Variants in GRM5 observed in about 807,000 individuals in gnomAD.
GRM5 encodes the protein glutamate metabotropic receptor 5, also known as metabotropic glutamate receptor 5.
Under a neutral mutation model 83.1 loss-of-function variants are expected in GRM5, and 19 were observed. The ratio of observed to expected loss-of-function variants is 0.23; its 90% confidence interval spans 0.16 to 0.34. The LOEUF (loss-of-function observed/expected upper bound fraction) is 0.34. Ranked by LOEUF, GRM5 falls within the 10% of genes least tolerant of loss-of-function variation. The pLI, the probability that GRM5 is intolerant of heterozygous loss-of-function variation, is 1.00. For missense variants in GRM5, 1,160 were observed against 1,588.3 expected (o/e 0.73, Z 4.58); for synonymous variants, 675 against 633.6 (o/e 1.07, Z -0.98).
chr11:88,821,348 AAAAAAAAAAAAAAAG>A (rs1338687485), intron 3 of GRM5, among the ~76,000 whole-genome samples: 1 of 148,458 alleles, frequency 6.7e-6, no homozygotes, highest in Non-Finnish European at 1.5e-5. Context: ...AGGGGCCAAA[AAAAAAAAAAAAAAAG>A]AAAAAAGAAA....
At chr11:89,026,730 G>C (rs1355864646) in intron 2 of GRM5, among the ~76,000 whole-genome samples, 3 of 152,150 alleles carry the variant, frequency 2.0e-5, no homozygotes, top group Non-Finnish European at 4.4e-5. Flanking sequence ...TGGAAGGAAG[G>C]AAAAGGAATA....
At chr11:88,570,571 A>ATATATATATATATATATATTTTT (rs1405339448) in intron 7 of GRM5, among the ~76,000 whole-genome samples, 2 of 46,376 alleles carry the variant, frequency 4.3e-5, no homozygotes, top group African/African-American at 1.3e-4. Context: ...ATATATATAT[A>ATATATATATATATATATATTTTT]TTTTTTTTTT....
intron 2 of GRM5, among the ~76,000 whole-genome samples, chr11:88,876,892 G>T (rs2135568028): frequency 6.6e-6 from 1 of 152,176 alleles, no homozygotes; most frequent in East Asian, 1.9e-4. Context: ...CATAAAAAAA[G>T]AATGAAATGG....
At chr11:88,996,708 GTTC>G (rs1444937680) in intron 2 of GRM5, among the ~76,000 whole-genome samples, 1 of 152,098 alleles carries the variant, frequency 6.6e-6, no homozygotes, top group Non-Finnish European at 1.5e-5. Flanking sequence ...AGAAGAATAC[GTTC>G]TTCTTTTTCA....
At chr11:88,930,115 G>A (rs1168331884) in intron 2 of GRM5, among the ~76,000 whole-genome samples, 1 of 152,068 alleles carries the variant, frequency 6.6e-6, no homozygotes, top group Non-Finnish European at 1.5e-5. Flanking sequence ...GTAAAGAAAA[G>A]TGATAAAAAA....
rs542628141 is a variant in GRM5 at position 88,610,583 on chromosome 11, T to C, written c.1148-5619A>G. ...ACATTGATTTTGTATCCTGAAACTT[T>C]ACCGAAGTTGTTTATCAGTTCTAGA... is the stretch of plus-strand genomic sequence containing the variant. On this transcript the variant is annotated intron_variant, in intron 4 of 9. Transcript: ENST00000305447. 9.9e-5 allele frequency among the ~76,000 whole-genome samples: 15 copies of C among 152,240 alleles called. 1 individual carries two copies. Among genetic ancestry groups the C allele is most frequent in the Non-Finnish European group, 2.1e-4 (14 of 68,040 alleles).
intron 2 of GRM5, among the ~76,000 whole-genome samples, chr11:88,995,401 C>T (rs1393830105): frequency 1.1e-4 from 17 of 151,562 alleles, no homozygotes; most frequent in Admixed American, 7.2e-4. Context: ...AAAAATTAGC[C>T]GGGCGTGTTT....
intron 3 of GRM5, among the ~76,000 whole-genome samples, chr11:88,695,223 C>A (rs1407633078): frequency 3.9e-5 from 6 of 152,230 alleles, no homozygotes; most frequent in South Asian, 4.1e-4. Flanking sequence ...AATTTAATAA[C>A]CTCTAGAAAT....
intron 8 of GRM5, among the ~76,000 whole-genome samples, chr11:88,542,364 AAAAC>A (rs138114385): frequency 0.39 from 58,770 of 151,556 alleles, 13,699 homozygotes; most frequent in East Asian, 0.59. Flanking sequence ...TAAAAAGGAA[AAAAC>A]AAACAAACAA....
chr11:88,866,920 A>G (rs964249161), intron 2 of GRM5, among the ~76,000 whole-genome samples: 2 of 152,172 alleles, frequency 1.3e-5, no homozygotes, highest in African/African-American at 2.4e-5. Flanking sequence ...AGTTTTCTGC[A>G]TAAGGCTAGC....
intron 2 of GRM5, among the ~76,000 whole-genome samples, chr11:88,915,357 T>A (rs1475872582): frequency 6.6e-6 from 1 of 152,118 alleles, no homozygotes; most frequent in Non-Finnish European, 1.5e-5. Flanking sequence ...AGACTTTTTT[T>A]AATGTGCGGC....
chr11:88,921,806 A>C lies in GRM5; in HGVS notation c.662-71651T>G, dbSNP rs534372492. Among the ~76,000 whole-genome samples, 126 of 152,270 alleles carry C rather than the reference A, an allele frequency of 8.3e-4. 2 individuals carry two copies. The highest frequency in any genetic ancestry group is 8.0e-3 in the Admixed American group (123 of 15,286). On this transcript the variant is annotated intron_variant, in intron 2 of 9. Transcript: ENST00000305447. Reference sequence around the variant, plus strand: ...TGGCTTCTAAATTGTAAAAGAAAAAATCAAATTATCTGCATTTGTAGATGA... The same window carrying C: ...TGGCTTCTAAATTGTAAAAGAAAAACTCAAATTATCTGCATTTGTAGATGA...
intron 3 of GRM5, among the ~76,000 whole-genome samples, chr11:88,727,913 A>C (rs1755093084): frequency 6.6e-6 from 1 of 152,178 alleles, no homozygotes; most frequent in Non-Finnish European, 1.5e-5. Flanking sequence ...AAATGCCCAC[A>C]GGGGAAAGCA....
intron 2 of GRM5, among the ~76,000 whole-genome samples, chr11:88,942,404 CAAAT>C (rs571615613): frequency 3.0e-4 from 45 of 151,890 alleles, no homozygotes; most frequent in Non-Finnish European, 7.4e-5. Flanking sequence ...AAACTAAAAA[CAAAT>C]AGAACAGCAG....
In GRM5 at chr11:88,836,449, G is replaced by A. The variant is rs373321586; in HGVS notation, c.911+13457C>T. Among the ~76,000 whole-genome samples, 101 of 152,214 alleles carry A rather than the reference G, an allele frequency of 6.6e-4. No individual in the cohort carries two copies. In the East Asian group the frequency reaches 0.016, roughly 24 times the overall value. ...TGTGTATATAAATCTGTGTGTGTGT[G>A]TATATATATGTATGATAGTTCACAT... On this transcript the variant is annotated intron_variant, in intron 3 of 9. Coordinates refer to ENST00000305447, the MANE Select transcript of GRM5 (RefSeq NM_001143831.3).
intron 3 of GRM5, among the ~76,000 whole-genome samples, chr11:88,685,955 C>T (rs542715452): frequency 6.8e-4 from 104 of 152,276 alleles, no homozygotes; most frequent in Non-Finnish European, 1.1e-3. Flanking sequence ...GGGGTTGGAG[C>T]CCCCACACAG....
intron 3 of GRM5, among the ~76,000 whole-genome samples, chr11:88,823,008 T>C (rs548339257): frequency 6.6e-6 from 1 of 152,134 alleles, no homozygotes; most frequent in South Asian, 2.1e-4. Context: ...TAATAATTTA[T>C]TCAATTCATT....
At chr11:88,679,850 G>C (rs899585530) in intron 3 of GRM5, among the ~76,000 whole-genome samples, 2 of 152,010 alleles carry the variant, frequency 1.3e-5, no homozygotes, top group Admixed American at 6.6e-5. Flanking sequence ...TTTTAAATAA[G>C]GCACCATTCT....
At chr11:88,630,660 C>G (rs996358352) in intron 4 of GRM5, among the ~76,000 whole-genome samples, 34 of 151,710 alleles carry the variant, frequency 2.2e-4, no homozygotes, top group Non-Finnish European at 5.9e-5. Context: ...CTCACTGCAA[C>G]CTCTGCCTCG....
Sources: allele counts gnomAD v4.1 joint callset (sites outside exome capture counted in the v4.1 genomes callset), GRCh38; gene constraint gnomAD v4.1.1; transcripts MANE v1.5; gene names NCBI Gene and HGNC (gene_info 2026-07-23, HGNC 2026-07-21).